CPEB3: variants seen among roughly 807,000 people sequenced by gnomAD.
CPEB3 encodes the protein cytoplasmic polyadenylation element-binding protein 3.
A neutral mutation model predicts 67.2 loss-of-function variants in CPEB3; 20 were observed. The ratio of observed to expected loss-of-function variants is 0.30; its 90% CI spans 0.21 to 0.43. The LOEUF is 0.43. Among genes scored for constraint, CPEB3 ranks in the 20% least tolerant of loss-of-function variants. The pLI, the probability that CPEB3 is intolerant of heterozygous loss-of-function variation, is 1.00. For synonymous variants in CPEB3, 376 were observed against 393.1 expected, an observed-to-expected ratio of 0.96 and a Z score of 0.51; for missense variants, 746 against 968.6, an observed-to-expected ratio of 0.77 and a Z score of 3.05.
intron 6 of CPEB3, among the ~76,000 whole-genome samples, chr10:92,139,238 T>C (rs903244918): frequency 2.7e-5 from 4 of 149,386 alleles, no homozygotes; most frequent in Non-Finnish European, 4.4e-5. Context: ...GATTGTGCCA[T>C]TGCACTCCAG....
chr10:92,265,765 GAA>G (rs1444135201), intron 1 of CPEB3, among the ~76,000 whole-genome samples: 1 of 145,350 alleles, frequency 6.9e-6, no homozygotes, highest in Non-Finnish European at 1.5e-5. Context: ...AAAAAAGAAA[GAA>G]AGAAAAAGAT....
rs1326536071 is a variant in CPEB3 at position 92,137,261 on chromosome 10, G to T, written c.1453+5768C>A. 26 of 600,358 alleles carry T rather than the reference G, an allele frequency of 4.3e-5. No individual in the cohort carries two copies. The East Asian group carries it at 7.6e-4, about 18-fold the overall frequency. 37.2% of individuals were successfully genotyped at this position (600,358 alleles called of 1,614,324 possible). A position where few individuals can be genotyped will look rare whatever the true frequency, so the allele number is the denominator to read the frequency against. On this transcript the variant is annotated intron_variant, in intron 6 of 9. Transcript: ENST00000265997. ...GCCTCCTGTCATGGCTGTATTGGGG[G>T]CACCAACGTGCATGCTGAGGTGCAG... is the stretch of plus-strand genomic sequence containing the variant.
intron 2 of CPEB3, among the ~76,000 whole-genome samples, chr10:92,200,045 A>G (rs1849443993): frequency 6.6e-6 from 1 of 152,166 alleles, no homozygotes; most frequent in African/African-American, 2.4e-5. Flanking sequence ...ACCTAATTCT[A>G]TATTCTCCTT....
chr10:92,203,993 C>T (rs933270257), intron 2 of CPEB3, among the ~76,000 whole-genome samples: 4 of 152,186 alleles, frequency 2.6e-5, no homozygotes, highest in African/African-American at 9.6e-5. Flanking sequence ...CAAACAGCAT[C>T]TTCTCCTGTC....
intron 1 of CPEB3, among the ~76,000 whole-genome samples, chr10:92,250,357 G>A (rs576939532): frequency 6.6e-6 from 1 of 151,908 alleles, no homozygotes; most frequent in Admixed American, 6.6e-5. Context: ...AAAGTGCTGG[G>A]ATTTATAGGC....
intron 4 of CPEB3, among the ~76,000 whole-genome samples, chr10:92,172,036 T>C (rs1232566718): frequency 6.6e-6 from 1 of 152,144 alleles, no homozygotes; most frequent in Non-Finnish European, 1.5e-5. Context: ...TAGCTCACAT[T>C]TGTAATCACA....
chr10:92,089,461 T>G (rs1269570219), intron 8 of CPEB3, among the ~76,000 whole-genome samples: 2 of 152,098 alleles, frequency 1.3e-5, no homozygotes, highest in African/African-American at 2.4e-5. Context: ...ACAAAACATT[T>G]TAAAACAAAA....
In CPEB3 at chr10:92,206,697, C is replaced by T. The variant is rs185387557; in HGVS notation, c.1006-14061G>A. On this transcript the variant is annotated intron_variant, in intron 2 of 9. Transcript: ENST00000265997. ...ACTTGGGGAATATAATTAATTTTTG[C>T]ATATTGAGTCCATTTAATAACCTTC... 6.2e-3 allele frequency among the ~76,000 whole-genome samples: 942 copies of T among 152,170 alleles called. 13 individuals carry two copies. Among genetic ancestry groups the T allele is most frequent in the Non-Finnish European group, 9.6e-3 (652 of 68,002 alleles).
chr10:92,282,072 T>C (rs1371675782), intron 1 of CPEB3, among the ~76,000 whole-genome samples: 1 of 152,216 alleles, frequency 6.6e-6, no homozygotes. Flanking sequence ...ATACATTTTC[T>C]TATAAAATTG....
intron 2 of CPEB3, among the ~76,000 whole-genome samples, chr10:92,217,248 T>TACACACAC (rs754423428): frequency 7.9e-6 from 1 of 127,272 alleles, no homozygotes; most frequent in African/African-American, 3.2e-5. Context: ...TATATATATA[T>TACACACAC]ACACACACAC....
chr10:92,069,922 A>T (rs1164189010), intron 9 of CPEB3, among the ~76,000 whole-genome samples: 1 of 152,238 alleles, frequency 6.6e-6, no homozygotes, highest in Admixed American at 6.5e-5. Flanking sequence ...TAAAGGGAAT[A>T]TCAACCACAA....
intron 4 of CPEB3, among the ~76,000 whole-genome samples, chr10:92,172,609 C>T (rs1330338400): frequency 6.6e-6 from 1 of 152,196 alleles, no homozygotes; most frequent in Non-Finnish European, 1.5e-5. Context: ...TATTTGCTGG[C>T]TGTATGACAT....
chr10:92,142,077 A>G (rs535701553), intron 6 of CPEB3, among the ~76,000 whole-genome samples: 28 of 151,830 alleles, frequency 1.8e-4, no homozygotes, highest in South Asian at 6.2e-4. Flanking sequence ...ACAGCCCTCT[A>G]TATTAACTTA....
chr10:92,252,523 A>C (rs1302002271), intron 1 of CPEB3, among the ~76,000 whole-genome samples: 1 of 152,254 alleles, frequency 6.6e-6, no homozygotes, highest in African/African-American at 2.4e-5. Flanking sequence ...ACCTGAAAAC[A>C]ACCCAAATAT....
Position 92,051,155 on chromosome 10 carries a change from A to G in CPEB3, c.*1057T>C, listed in dbSNP as rs906426255. On this transcript the variant is annotated 3_prime_UTR_variant, in exon 10 of 10. Coordinates refer to ENST00000265997, the MANE Select transcript of CPEB3 (RefSeq NM_014912.5). ...GGTCATTCTGTTATGGGCTCTTCCC[A>G]TTCAGAGCATTCCATTTATTGAGGC... The G allele has an allele frequency of 1.3e-5, 2 of 152,592 alleles. No individual in the cohort carries two copies. Among genetic ancestry groups the G allele is most frequent in the African/African-American group, 2.4e-5 (1 of 41,454 alleles). 9.5% of individuals were successfully genotyped at this position (152,592 alleles called of 1,614,324 possible). A position where few individuals can be genotyped will look rare whatever the true frequency, so the allele number is the denominator to read the frequency against.
intron 4 of CPEB3, among the ~76,000 whole-genome samples, chr10:92,165,105 C>T (rs2133977208): frequency 6.6e-6 from 1 of 152,116 alleles, no homozygotes; most frequent in South Asian, 2.1e-4. Flanking sequence ...ATTAAGTGCA[C>T]AGTAGCATTA....
chr10:92,213,248 T>C (rs1850182354), intron 2 of CPEB3, among the ~76,000 whole-genome samples: 1 of 152,206 alleles, frequency 6.6e-6, no homozygotes, highest in African/African-American at 2.4e-5. Flanking sequence ...GTCAAGGTAG[T>C]GCTTGCTCAG....
intron 6 of CPEB3, among the ~76,000 whole-genome samples, chr10:92,136,719 C>A (rs1423985639): frequency 1.3e-5 from 2 of 152,220 alleles, no homozygotes; most frequent in South Asian, 4.1e-4. Flanking sequence ...GGCTACCACG[C>A]CCAGCTAATT....
intron 2 of CPEB3, among the ~76,000 whole-genome samples, chr10:92,217,246 T>TAC (rs1256685201): frequency 8.0e-6 from 1 of 125,404 alleles, no homozygotes; most frequent in Non-Finnish European, 1.6e-5. Context: ...TATATATATA[T>TAC]ATACACACAC....
Sources: gnomAD v4.1 joint callset for allele counts (sites outside exome capture counted in the v4.1 genomes callset) on GRCh38, gnomAD v4.1.1 for gene constraint, MANE v1.5 for transcripts, NCBI Gene and HGNC (gene_info 2026-07-23, HGNC 2026-07-21) for gene names.